ABCB5: variants seen among roughly 807,000 people sequenced by gnomAD.
ABCB5 encodes the protein ATP-binding cassette sub-family B member 5.
In ABCB5, 155 loss-of-function variants were observed where a neutral mutation model predicts 144.2. The observed-to-expected ratio is 1.08, with a 90% CI of 0.94 to 1.23. ABCB5 has a LOEUF of 1.23. Among genes scored for constraint, ABCB5 ranks in the 50% most tolerant of loss-of-function variants. The probability of loss-of-function intolerance (pLI) is 0.00; values close to 1 mark genes in which losing one functional copy is unlikely to be tolerated. For synonymous variants in ABCB5, 610 were observed against 528.6 expected (o/e 1.15, Z -2.11); for missense variants, 1,830 against 1,520.8 (o/e 1.20, Z -3.38).
At chr7:20,690,964 T>C (rs953184598) in intron 16 of ABCB5, among the ~76,000 whole-genome samples, 1 of 152,150 alleles carries the variant, frequency 6.6e-6, no homozygotes, top group African/African-American at 2.4e-5. Flanking sequence ...GGGACTAGAT[T>C]TACTTTCCTG....
chr7:20,711,776 T>TTCTCTCTCTCTTTCTTTCTCTCTC lies in ABCB5; in HGVS notation c.2421+6974_2421+6975insCTCTCTTTCTTTCTCTCTCTCTCT, dbSNP rs537885442. On this transcript the variant is annotated intron_variant, in intron 20 of 27. Transcript: ENST00000404938. ...GCCCAGCCTGCCTGCCTTTCCTTCT[T>TTCTCTCTCTCTTTCTTTCTCTCTC]TCTCTTTCTTTCTTTCTTTCTTTCT... Among the ~76,000 whole-genome samples the TTCTCTCTCTCTTTCTTTCTCTCTC allele has an allele frequency of 5.9e-4, 25 of 42,250 alleles. 4 individuals carry two copies. Among genetic ancestry groups the TTCTCTCTCTCTTTCTTTCTCTCTC allele is most frequent in the Admixed American group, 2.0e-3 (8 of 3,946 alleles). 27.7% of individuals were successfully genotyped at this position (42,250 alleles called of 152,430 possible). A position where few individuals can be genotyped will look rare whatever the true frequency, so the allele number is the denominator to read the frequency against.
chr7:20,661,475 T>A (rs1306613491), intron 14 of ABCB5, among the ~76,000 whole-genome samples: 1 of 152,140 alleles, frequency 6.6e-6, no homozygotes, highest in African/African-American at 2.4e-5. Flanking sequence ...TGGACTTCGA[T>A]GAGTGTGATC....
chr7:20,755,026 G>A (rs1562595425), intron 27 of ABCB5, among the ~76,000 whole-genome samples: 4 of 151,450 alleles, frequency 2.6e-5, no homozygotes, highest in Admixed American at 1.3e-4. Flanking sequence ...CTCAGCTCAC[G>A]GCAACCTCCA....
At chr7:20,685,120 G>C (rs576962847) in intron 15 of ABCB5, among the ~76,000 whole-genome samples, 8 of 152,162 alleles carry the variant, frequency 5.3e-5, no homozygotes, top group Non-Finnish European at 1.2e-4. Context: ...CAAAGTGCTG[G>C]GATTACAGGG....
intron 13 of ABCB5, among the ~76,000 whole-genome samples, chr7:20,657,731 A>T (rs929439617): frequency 1.3e-5 from 2 of 152,196 alleles, no homozygotes; most frequent in African/African-American, 4.8e-5. Context: ...ATACTCATAG[A>T]CTTATATCCT....
intron 4 of ABCB5, among the ~76,000 whole-genome samples, chr7:20,629,943 A>G (rs1239748263): frequency 6.6e-6 from 1 of 152,182 alleles, no homozygotes; most frequent in East Asian, 1.9e-4. Context: ...CTAGAGACAG[A>G]TACCCTGAAT....
chr7:20,641,400 C>A (rs1784292428), intron 5 of ABCB5, among the ~76,000 whole-genome samples: 1 of 151,888 alleles, frequency 6.6e-6, no homozygotes, highest in Non-Finnish European at 1.5e-5. Context: ...CTAGTGTGCA[C>A]CTGTAGTCCC....
intron 16 of ABCB5, among the ~76,000 whole-genome samples, chr7:20,695,998 A>C (rs1162251417): frequency 6.6e-6 from 1 of 152,026 alleles, no homozygotes; most frequent in Non-Finnish European, 1.5e-5. Flanking sequence ...TTTGGAAAAT[A>C]ATTTGTCAGT....
intron 13 of ABCB5, among the ~76,000 whole-genome samples, chr7:20,655,100 A>AG (rs1784732933): frequency 8.4e-6 from 1 of 118,718 alleles, no homozygotes; most frequent in African/African-American, 3.6e-5. Context: ...AGAGAGAGAG[A>AG]AAAGAGATGG....
chr7:20,679,120 A>G (rs1013454523), intron 14 of ABCB5, among the ~76,000 whole-genome samples: 1 of 152,178 alleles, frequency 6.6e-6, no homozygotes, highest in Non-Finnish European at 1.5e-5. Context: ...AAAATTGATA[A>G]ATTGGACTTC....
chr7:20,623,196 G>T, intron 1 of ABCB5, 69 bp from the exon 2 acceptor site: 1 of 924,782 alleles, frequency 1.1e-6, no homozygotes, highest in Middle Eastern at 3.1e-4. Flanking sequence ...GGGATGTAAA[G>T]AATGCTGTAT....
At chr7:20,727,234 T>C in intron 22 of ABCB5, 94 bp downstream of exon 22, 1 of 785,422 alleles carries the variant, frequency 1.3e-6, no homozygotes, top group South Asian at 2.0e-5. Flanking sequence ...GCTAATTCAT[T>C]TGCTCTTGAG....
chr7:20,652,557 G>A (rs1259954760), intron 13 of ABCB5, among the ~76,000 whole-genome samples: 1 of 148,844 alleles, frequency 6.7e-6, no homozygotes, highest in Non-Finnish European at 1.5e-5. Flanking sequence ...GCAACAGAGT[G>A]AGACTTTATG....
In ABCB5 at chr7:20,650,073, G is replaced by C; in HGVS notation, c.1258G>C (p.Val420Leu). Residue 420 changes from valine to leucine, a missense_variant, in exon 12 of 28, where the codon GTC (valine) becomes CTC (leucine). Physicochemically the swap from Val to Leu is conservative, Grantham distance 32. Coordinates refer to ENST00000404938, the MANE Select transcript of ABCB5 (RefSeq NM_001163941.2). ...RIKSGETVAL[V>L]GLNGSGKSTV... ...TAAGTCTGGAGAGACAGTCGCCTTGGTCGGTCTCAATGGCAGTGGGAAGAG... is the reference window on the plus strand; with the variant it reads ...TAAGTCTGGAGAGACAGTCGCCTTGCTCGGTCTCAATGGCAGTGGGAAGAG... 6.2e-7 allele frequency: 1 copy of C among 1,613,656 alleles called. No homozygotes were observed. Among genetic ancestry groups the C allele is most frequent in the Admixed American group, 1.7e-5 (1 of 59,952 alleles).
chr7:20,755,557 C>T lies in ABCB5; in HGVS notation c.3707C>T (p.Thr1236Ile), dbSNP rs558313470. The change falls in exon 28 of 28, where the codon ACT becomes ATT. Residue 1236 changes from threonine (T) to isoleucine (I), a missense_variant. Physicochemically the swap from Thr to Ile is moderately conservative, Grantham distance 89 (BLOSUM62 -1). Transcript: ENST00000404938. ...LHNGKIKEQG[T>I]HQELLRNRDI... ...AATGGAAAGATAAAGGAACAAGGAA[C>T]TCATCAAGAGCTCCTGAGAAATCGA... The T allele has an allele frequency of 7.8e-5, 126 of 1,614,160 alleles. 2 individuals are homozygous for T. In the East Asian group the frequency reaches 1.1e-3, roughly 15 times the overall value.
chr7:20,653,507 A>G (rs1159753570), intron 13 of ABCB5, among the ~76,000 whole-genome samples: 3 of 152,256 alleles, frequency 2.0e-5, no homozygotes, highest in Non-Finnish European at 1.5e-5. Context: ...TCACTCATAA[A>G]CAACCATGAA....
At chr7:20,681,190 G>C (rs1182441590) in intron 14 of ABCB5, among the ~76,000 whole-genome samples, 2 of 150,976 alleles carry the variant, frequency 1.3e-5, no homozygotes, top group Non-Finnish European at 2.9e-5. Flanking sequence ...GAAATGGCAT[G>C]ACCTTGGCTC....
chr7:20,674,343 C>T (rs542300000), intron 14 of ABCB5, among the ~76,000 whole-genome samples: 5 of 151,824 alleles, frequency 3.3e-5, no homozygotes, highest in Non-Finnish European at 7.4e-5. Context: ...GTTTTTGTTT[C>T]ACCTTTAGTT....
intron 27 of ABCB5, among the ~76,000 whole-genome samples, chr7:20,754,442 T>C (rs740292): frequency 0.019 from 2,944 of 152,320 alleles, 40 homozygotes; most frequent in Admixed American, 0.044. Context: ...CTCAGTTCAG[T>C]TATCAGAAAA....
Sources: gnomAD v4.1 joint callset for allele counts (sites outside exome capture counted in the v4.1 genomes callset) on GRCh38, gnomAD v4.1.1 for gene constraint, MANE v1.5 for transcripts, NCBI Gene and HGNC (gene_info 2026-07-23, HGNC 2026-07-21) for gene names.